Variants in SMARCD3 observed in about 807,000 individuals in gnomAD.
SMARCD3 encodes SWI/SNF related BAF chromatin remodeling complex subunit D3, also known as SWI/SNF-related matrix-associated actin-dependent regulator of chromatin subfamily D member 3.
SMARCD3 carries 14 observed loss-of-function variants against 58.0 expected under a neutral mutation model. That is an observed-to-expected ratio of 0.24 (90% CI 0.16 to 0.38). SMARCD3 has a LOEUF of 0.38. SMARCD3 is among the 10% of genes least tolerant of loss of function. The probability of loss-of-function intolerance (pLI) is 1.00; values close to 1 mark genes in which losing one functional copy is unlikely to be tolerated. For synonymous variants in SMARCD3, 253 were observed against 253.8 expected, an observed-to-expected ratio of 1.00 and a Z score of 0.03; for missense variants, 408 against 636.9, an observed-to-expected ratio of 0.64 and a Z score of 3.87.
intron 8 of SMARCD3, 22 bp from the exon 9 acceptor site, chr7:151,240,544 G>C (rs1213628755): frequency 1.2e-5 from 19 of 1,539,224 alleles, no homozygotes; most frequent in Non-Finnish European, 1.6e-5. Context: ...CAATTGGGGA[G>C]AGAGAGATCA....
At chr7:151,258,564 A>T (rs1199898661) in intron 2 of SMARCD3, among the ~76,000 whole-genome samples, 1 of 41,342 alleles carries the variant, frequency 2.4e-5, no homozygotes, top group African/African-American at 7.3e-5. Flanking sequence ...GACTCTGCCT[A>T]AAAAAAAAAA....
Position 151,238,912 on chromosome 7 carries a change from CCTT to C in SMARCD3, c.*188_*190del. On this transcript the variant is annotated 3_prime_UTR_variant, in exon 13 of 13. Transcript: ENST00000262188. ...TCCCGAGGGACCCACTGCCTCCCCA[CCTT>C]CTTCCCTTCCCCTTCTCTCCCCCTC... 1 of 1,081,768 alleles carries C rather than the reference CCTT, an allele frequency of 9.2e-7. No homozygotes were observed. Among genetic ancestry groups the C allele is most frequent in the South Asian group, 1.5e-5 (1 of 68,136 alleles). The allele number at this position is 1,081,768 out of a possible 1,614,324, so 67.0% of individuals were successfully genotyped here.
At chr7:151,240,365 G>C (rs1443930052) in intron 9 of SMARCD3, 60 bp downstream of exon 9, 2 of 1,576,504 alleles carry the variant, frequency 1.3e-6, no homozygotes, top group Non-Finnish European at 1.7e-6. Flanking sequence ...AGAGGGAGGG[G>C]CAGGGAAGGC....
intron 2 of SMARCD3, among the ~76,000 whole-genome samples, chr7:151,259,910 A>G (rs915614888): frequency 2.6e-5 from 4 of 152,038 alleles, no homozygotes; most frequent in Non-Finnish European, 4.4e-5. Context: ...ACGCCTGGCC[A>G]AGACTTGTTA....
intron 2 of SMARCD3, among the ~76,000 whole-genome samples, chr7:151,259,601 G>GT (rs112223142): frequency 0.01 from 720 of 70,486 alleles, 13 homozygotes; most frequent in East Asian, 0.031. Context: ...CAACCTGAGA[G>GT]TTTTTTTTTT....
Position 151,242,285 on chromosome 7 carries a change from A to G in SMARCD3, c.580-53T>C, listed in dbSNP as rs1020459766. The stretch of plus-strand genomic sequence containing the variant: ...GGCAGAACAGGGACGAGGTGGGAGG[A>G]GCAGAAGGAGGCCAAGTTGGCAGCC... On this transcript the variant is annotated intron_variant, in intron 5 of 12. Transcript: ENST00000262188. The surrounding 1 kb of genome is among the most constrained non-coding windows in gnomAD (Gnocchi z 4.7). 6.7e-6 allele frequency: 10 copies of G among 1,496,634 alleles called. No individual in the cohort carries two copies. The highest frequency in any genetic ancestry group is 9.3e-6 in the Non-Finnish European group (10 of 1,073,404). The allele number at this position is 1,496,634 out of a possible 1,614,324, so 92.7% of individuals were successfully genotyped here. A position where few individuals can be genotyped will look rare whatever the true frequency, so the allele number is the denominator to read the frequency against.
In SMARCD3 at chr7:151,245,366, C is replaced by T; in HGVS notation, c.290+94G>A. On this transcript the variant is annotated intron_variant, in intron 2 of 12. Transcript: ENST00000262188. This position sits in a 1 kb window ranked among gnomAD's most constrained non-coding sequence, Gnocchi z 6.2. Reference sequence around the variant, plus strand: ...GCTCCCTGCTAATCATTCTTCCTCGCCCCTTCCAATCCCCGCTACTCGCTT... The same window carrying T: ...GCTCCCTGCTAATCATTCTTCCTCGTCCCTTCCAATCCCCGCTACTCGCTT... 2.1e-6 allele frequency: 1 copy of T among 465,730 alleles called. No homozygotes were observed. The allele number at this position is 465,730 out of a possible 1,614,324, so 28.8% of individuals were successfully genotyped here. A position where few individuals can be genotyped will look rare whatever the true frequency, so the allele number is the denominator to read the frequency against.
intron 2 of SMARCD3, among the ~76,000 whole-genome samples, chr7:151,273,883 G>A (rs2150619399): frequency 6.6e-6 from 1 of 152,386 alleles, no homozygotes; most frequent in South Asian, 2.1e-4. Flanking sequence ...GGAGGAGGAG[G>A]GGCACTGGGG....
At chr7:151,274,498 G>A (rs929920230) in intron 2 of SMARCD3, among the ~76,000 whole-genome samples, 2 of 152,238 alleles carry the variant, frequency 1.3e-5, no homozygotes, top group Admixed American at 6.5e-5. Context: ...CTAGAGGTCC[G>A]CCTGGGGCAG....
rs1802968957 is a variant in SMARCD3, at chr7:151,241,186, G to A, written c.939+306C>T. ...TACCCAGAGTCCAGACTCAGGACTA[G>A]AACCTGGGGATCCTAACTCCAAGTG... is the stretch of plus-strand genomic sequence containing the variant. On this transcript the variant is annotated intron_variant, in intron 8 of 12. Transcript: ENST00000262188. The surrounding 1 kb of genome is among the most constrained non-coding windows in gnomAD (Gnocchi z 5.3). 6 of 416,492 alleles carry A rather than the reference G, an allele frequency of 1.4e-5. No individual in the cohort carries two copies. The highest frequency in any genetic ancestry group is 1.3e-4 in the South Asian group (6 of 47,020). 25.8% of individuals were successfully genotyped at this position (416,492 alleles called of 1,614,324 possible).
chr7:151,242,934 A>G lies in SMARCD3; in HGVS notation c.334-91T>C, dbSNP rs1261961303. On this transcript the variant is annotated intron_variant, in intron 3 of 12. Coordinates refer to ENST00000262188, the MANE Select transcript of SMARCD3 (RefSeq NM_001003801.2). This position sits in a 1 kb window ranked among gnomAD's most constrained non-coding sequence, Gnocchi z 4.7. ...CATGTTGTGCAATCCTAGGGTACAA[A>G]AGATGTCAGGGGAGCCATCCTACTT... 2 of 1,496,592 alleles carry G rather than the reference A, an allele frequency of 1.3e-6. No individual in the cohort carries two copies. The highest frequency in any genetic ancestry group is 2.0e-5 in the Admixed American group (1 of 49,932). 92.7% of individuals were successfully genotyped at this position (1,496,592 alleles called of 1,614,324 possible).
chr7:151,276,554 G>A (rs1007068310), intron 1 of SMARCD3, among the ~76,000 whole-genome samples: 9 of 145,174 alleles, frequency 6.2e-5, no homozygotes, highest in Non-Finnish European at 1.4e-4. Flanking sequence ...GCGATGGGGA[G>A]GAGGTGGTGT....
intron 2 of SMARCD3, among the ~76,000 whole-genome samples, chr7:151,270,514 C>G (rs1216744437): frequency 4.6e-5 from 7 of 152,208 alleles, no homozygotes; most frequent in Non-Finnish European, 1.0e-4. Context: ...GTATTAGCCT[C>G]TTTGGTAGGT....
intron 2 of SMARCD3, among the ~76,000 whole-genome samples, chr7:151,268,680 A>C (rs1795068180): frequency 6.6e-6 from 1 of 152,134 alleles, no homozygotes; most frequent in Non-Finnish European, 1.5e-5. Flanking sequence ...CCTGTGCCTC[A>C]GTTTCCTTAT....
At chr7:151,268,067 T>C (rs1468911978) in intron 2 of SMARCD3, among the ~76,000 whole-genome samples, 1 of 152,156 alleles carries the variant, frequency 6.6e-6, no homozygotes, top group Non-Finnish European at 1.5e-5. Context: ...AAATGCTGGT[T>C]TGTTTTCTGG....
chr7:151,248,830 T>G, upstream of SMARCD3: 1 of 338,946 alleles, frequency 3.0e-6, no homozygotes, highest in Non-Finnish European at 4.3e-6. This position sits in a 1 kb window ranked among gnomAD's most constrained non-coding sequence, Gnocchi z 6.1. Flanking sequence ...GCCCGGGGTC[T>G]GCCTGTTGAC....
At position 151,243,818 on chromosome 7, in the gene SMARCD3, A is replaced by T. The variant is rs1164730707; in HGVS notation, c.291-117T>A. 6 of 793,284 alleles carry T rather than the reference A, an allele frequency of 7.6e-6. No homozygotes were observed. Among genetic ancestry groups the T allele is most frequent in the Non-Finnish European group, 1.4e-5 (6 of 440,326 alleles). 49.1% of individuals were successfully genotyped at this position (793,284 alleles called of 1,614,324 possible). ...CGCCTGGCTGGGGTTCCCACAGCCC[A>T]CTTGTCTGCCCGCCCAAGGGCTGTG... On this transcript the variant is annotated intron_variant, in intron 2 of 12. Coordinates refer to ENST00000262188, the MANE Select transcript of SMARCD3 (RefSeq NM_001003801.2). The surrounding 1 kb of genome is among the most constrained non-coding windows in gnomAD (Gnocchi z 4.4).
At chr7:151,272,932 C>A (rs1795225277) in intron 2 of SMARCD3, among the ~76,000 whole-genome samples, 1 of 152,176 alleles carries the variant, frequency 6.6e-6, no homozygotes, top group African/African-American at 2.4e-5. Flanking sequence ...ATGGGTGGCT[C>A]AGCCTCCTCC....
Position 151,243,192 on chromosome 7 carries a change from C to T in SMARCD3, c.334-349G>A, listed in dbSNP as rs1803084933. Among the ~76,000 whole-genome samples the T allele has an allele frequency of 6.6e-6, 1 of 152,178 alleles. No individual in the cohort carries two copies. The highest frequency in any genetic ancestry group is 1.9e-4 in the East Asian group (1 of 5,202). On this transcript the variant is annotated intron_variant, in intron 3 of 12. Transcript: ENST00000262188. The surrounding 1 kb of genome is among the most constrained non-coding windows in gnomAD (Gnocchi z 4.4). ...CTGCTGGGCTTCCCCTGGGCCCCTG[C>T]AAAGTGCCTAGTAGGGGCTCAATCC...
Sources: allele counts gnomAD v4.1 joint callset (sites outside exome capture counted in the v4.1 genomes callset), GRCh38; gene constraint gnomAD v4.1.1; non-coding constraint Gnocchi (gnomAD v3.1); transcripts MANE v1.5; gene names NCBI Gene and HGNC (gene_info 2026-07-23, HGNC 2026-07-21).